Variants in CTDSPL observed in about 807,000 individuals in gnomAD.
CTDSPL encodes the protein CTD small phosphatase like, also known as CTD small phosphatase-like protein.
CTDSPL carries 8 observed loss-of-function variants against 30.5 expected under a neutral mutation model. That is an observed-to-expected ratio of 0.26 (90% CI 0.15 to 0.47). The LOEUF (loss-of-function observed/expected upper bound fraction) is 0.47, where lower values mean the gene tolerates loss of function less well. Ranked by LOEUF, CTDSPL falls within the 20% of genes least tolerant of loss-of-function variation. CTDSPL has a pLI of 0.99. For synonymous variants in CTDSPL, 110 were observed against 137.9 expected, an observed-to-expected ratio of 0.80 and a Z score of 1.42; for missense variants, 248 against 366.1, an observed-to-expected ratio of 0.68 and a Z score of 2.63.
chr3:37,869,124 A>T (rs1000418419), intron 1 of CTDSPL, among the ~76,000 whole-genome samples: 1 of 152,120 alleles, frequency 6.6e-6, no homozygotes, highest in Non-Finnish European at 1.5e-5. Flanking sequence ...TTAGATTTAC[A>T]TCTGAGTGTT....
intron 2 of CTDSPL, among the ~76,000 whole-genome samples, chr3:37,953,981 A>G (rs2125625716): frequency 6.6e-6 from 1 of 152,324 alleles, no homozygotes; most frequent in South Asian, 2.1e-4. Flanking sequence ...ATCATAACAG[A>G]TTTTGATTTC....
intron 1 of CTDSPL, among the ~76,000 whole-genome samples, chr3:37,906,359 T>C (rs947060655): frequency 2.0e-5 from 3 of 152,222 alleles, no homozygotes; most frequent in Non-Finnish European, 4.4e-5. Context: ...GGCATGTAAA[T>C]GTGCGACTGT....
intron 1 of CTDSPL, among the ~76,000 whole-genome samples, chr3:37,941,844 G>A (rs901507781): frequency 6.6e-6 from 1 of 150,384 alleles, no homozygotes; most frequent in African/African-American, 2.4e-5. Flanking sequence ...CACCTCTGTG[G>A]TCCTCCTTGC....
intron 2 of CTDSPL, 111 bp downstream of exon 2, chr3:37,947,322 C>T: frequency 7.7e-7 from 1 of 1,294,096 alleles, no homozygotes; most frequent in Non-Finnish European, 1.1e-6. Flanking sequence ...CGTGGTGGCT[C>T]ACGTCTGTAA....
At chr3:37,951,691 G>A (rs1354633711) in intron 2 of CTDSPL, among the ~76,000 whole-genome samples, 1 of 150,938 alleles carries the variant, frequency 6.6e-6, no homozygotes, top group Non-Finnish European at 1.5e-5. Context: ...AAAAAGCAAT[G>A]TAGAAATAAA....
intron 1 of CTDSPL, among the ~76,000 whole-genome samples, chr3:37,883,295 C>G (rs1301477037): frequency 6.6e-6 from 1 of 152,236 alleles, no homozygotes; most frequent in African/African-American, 2.4e-5. Flanking sequence ...GGCTGGAGCA[C>G]TGGCTCCCCC....
chr3:37,890,796 A>G (rs1400989125), intron 1 of CTDSPL, among the ~76,000 whole-genome samples: 3 of 152,200 alleles, frequency 2.0e-5, no homozygotes, highest in Non-Finnish European at 4.4e-5. Context: ...ACCAAGTTTC[A>G]GATGAGGTTA....
chr3:37,916,583 G>GCA (rs1441934742), intron 1 of CTDSPL, among the ~76,000 whole-genome samples: 2 of 152,172 alleles, frequency 1.3e-5, no homozygotes, highest in African/African-American at 4.8e-5. Context: ...TTAGAGTGAT[G>GCA]CATCTACAAG....
At chr3:37,924,271 G>GC (rs1233437567) in intron 1 of CTDSPL, among the ~76,000 whole-genome samples, 2 of 152,100 alleles carry the variant, frequency 1.3e-5, no homozygotes, top group Admixed American at 6.5e-5. Flanking sequence ...GCTGCCATTT[G>GC]CTTTTCTCTT....
chr3:37,917,540 C>T (rs1157111204), intron 1 of CTDSPL, among the ~76,000 whole-genome samples: 1 of 152,034 alleles, frequency 6.6e-6, no homozygotes, highest in Non-Finnish European at 1.5e-5. Flanking sequence ...CTTATTAGGT[C>T]GATGTAATCT....
At chr3:37,900,360 A>G (rs1386870479) in intron 1 of CTDSPL, among the ~76,000 whole-genome samples, 1 of 152,224 alleles carries the variant, frequency 6.6e-6, no homozygotes, top group Admixed American at 6.5e-5. Context: ...CACAACTAGA[A>G]CTAGCAATTC....
intron 1 of CTDSPL, among the ~76,000 whole-genome samples, chr3:37,867,712 C>T (rs1329605448): frequency 6.6e-6 from 1 of 152,162 alleles, no homozygotes; most frequent in African/African-American, 2.4e-5. Context: ...CCCATGTACC[C>T]ATCACCTAGT....
chr3:37,964,577 G>A lies in CTDSPL; in HGVS notation c.274G>A (p.Ala92Thr), dbSNP rs151189162. ...RQVIPIPSPP[A>T]KYLLPEVTVL... ...ATTTATTTTTCCCCTTTAGCCACCAGCTAAGTACCTTCTTCCAGAGGTGAC... is the reference window on the plus strand; with the variant it reads ...ATTTATTTTTCCCCTTTAGCCACCAACTAAGTACCTTCTTCCAGAGGTGAC... Residue 92 changes from alanine (A) to threonine (T), a missense_variant, in exon 4 of 8, where the codon GCT becomes ACT. By Grantham distance (58) the Ala-to-Thr change is moderately conservative. Around this residue, in one of 4 missense-constraint regions of CTDSPL, gnomAD observed 118 missense variants for 124.7 expected, o/e 0.95. Coordinates refer to ENST00000273179, the MANE Select transcript of CTDSPL (RefSeq NM_001008392.2). 8.6e-5 allele frequency: 139 copies of A among 1,612,400 alleles called. No homozygotes were observed. Among genetic ancestry groups the A allele is most frequent in the Admixed American group, 4.3e-4 (26 of 59,832 alleles).
chr3:37,919,627 G>A (rs1405283794), intron 1 of CTDSPL, among the ~76,000 whole-genome samples: 1 of 152,224 alleles, frequency 6.6e-6, no homozygotes, highest in African/African-American at 2.4e-5. Flanking sequence ...ATTGGTGGAA[G>A]GCTGCAGTTT....
At chr3:37,919,586 A>T in intron 1 of CTDSPL, among the ~76,000 whole-genome samples, 1 of 152,206 alleles carries the variant, frequency 6.6e-6, no homozygotes, top group East Asian at 1.9e-4. Flanking sequence ...GAGTTTTCTA[A>T]TCCAAAACCA....
intron 5 of CTDSPL, among the ~76,000 whole-genome samples, chr3:37,969,056 A>G (rs1298556268): frequency 6.6e-6 from 1 of 152,250 alleles, no homozygotes; most frequent in Non-Finnish European, 1.5e-5. Flanking sequence ...GCACTTGGGC[A>G]TTTAACATTT....
chr3:37,964,057 A>G (rs1023584459), intron 3 of CTDSPL, among the ~76,000 whole-genome samples: 1 of 148,590 alleles, frequency 6.7e-6, no homozygotes, highest in Non-Finnish European at 1.5e-5. Flanking sequence ...AAAAAAAAAA[A>G]AAAAAAAAAA....
intron 1 of CTDSPL, among the ~76,000 whole-genome samples, chr3:37,914,898 T>TA (rs1553683209): frequency 9.4e-6 from 1 of 105,826 alleles, no homozygotes; most frequent in African/African-American, 3.1e-5. Flanking sequence ...TTTTTTTTTT[T>TA]AGAGAAAGGG....
chr3:37,963,170 A>G (rs6776745), intron 3 of CTDSPL, among the ~76,000 whole-genome samples: 31,329 of 152,114 alleles, frequency 0.21, 3,933 homozygotes, highest in African/African-American at 0.35. Flanking sequence ...ATGGGAGGCC[A>G]TAAAGGCTCT....
Sources: allele counts gnomAD v4.1 joint callset (sites outside exome capture counted in the v4.1 genomes callset), GRCh38; gene constraint gnomAD v4.1.1; regional missense constraint gnomAD v4.1.1; transcripts MANE v1.5; gene names NCBI Gene and HGNC (gene_info 2026-07-23, HGNC 2026-07-21).